EFCAB8: variants seen among roughly 807,000 people sequenced by gnomAD.
The protein encoded by EFCAB8 is EF-hand calcium-binding domain-containing protein 8.
EFCAB8 carries 100 observed loss-of-function variants against 116.3 expected under a neutral mutation model. That is an observed-to-expected ratio of 0.86 (90% CI 0.73 to 1.02). EFCAB8 has a LOEUF of 1.02. EFCAB8 is among the 50% of genes least tolerant of loss of function. EFCAB8 has a pLI of 0.00. For synonymous variants in EFCAB8, 558 were observed against 567.9 expected, an observed-to-expected ratio of 0.98 and a Z score of 0.25; for missense variants, 1,320 against 1,416.9, an observed-to-expected ratio of 0.93 and a Z score of 1.10.
intron 22 of EFCAB8, among the ~76,000 whole-genome samples, chr20:32,933,354 A>C (rs1386844220): frequency 6.6e-6 from 1 of 152,240 alleles, no homozygotes; most frequent in African/African-American, 2.4e-5. Context: ...AAATAGATAA[A>C]TCATAATTGT....
At chr20:32,920,781 T>G (rs907616881) in intron 20 of EFCAB8, among the ~76,000 whole-genome samples, 2 of 151,724 alleles carry the variant, frequency 1.3e-5, no homozygotes, top group African/African-American at 4.8e-5. Flanking sequence ...GGAGGTGGAG[T>G]TGGGGTGCCT....
At chr20:32,862,998 CT>C (rs1568893908) in intron 1 of EFCAB8, among the ~76,000 whole-genome samples, 1 of 132,266 alleles carries the variant, frequency 7.6e-6, no homozygotes, top group Non-Finnish European at 1.6e-5. Flanking sequence ...CAAGATTCTA[CT>C]TTTTGCTGCC....
intron 17 of EFCAB8, among the ~76,000 whole-genome samples, chr20:32,914,586 C>A (rs1322470886): frequency 3.3e-5 from 5 of 152,184 alleles, no homozygotes; most frequent in Non-Finnish European, 7.3e-5. Context: ...AGGAAACTTA[C>A]AATCATAGTT....
chr20:32,924,819 CTG>C (rs146773130), intron 20 of EFCAB8, among the ~76,000 whole-genome samples: 30 of 150,290 alleles, frequency 2.0e-4, no homozygotes, highest in Non-Finnish European at 2.2e-4. Context: ...GCTGGCAGGG[CTG>C]TGTGTGTGTG....
At chr20:32,875,140 C>T (rs145316370) in intron 3 of EFCAB8, among the ~76,000 whole-genome samples, 9 of 152,294 alleles carry the variant, frequency 5.9e-5, no homozygotes, top group Non-Finnish European at 1.2e-4. Context: ...TTTAGTGCCT[C>T]CCCTCCCCAC....
At chr20:32,874,131 G>A (rs1568900729) in intron 3 of EFCAB8, among the ~76,000 whole-genome samples, 3 of 151,010 alleles carry the variant, frequency 2.0e-5, no homozygotes, top group Non-Finnish European at 4.4e-5. Flanking sequence ...ATGTTGCCCA[G>A]CCTGGTCTCA....
At chr20:32,910,141 C>T (rs145848845) in intron 15 of EFCAB8, among the ~76,000 whole-genome samples, 14 of 152,310 alleles carry the variant, frequency 9.2e-5, no homozygotes, top group African/African-American at 3.1e-4. Flanking sequence ...GAGCTCCATC[C>T]GTTAGCCATG....
chr20:32,961,679 C>A lies in EFCAB8; in HGVS notation c.*70C>A. 1 of 967,848 alleles carries A rather than the reference C, an allele frequency of 1.0e-6. No homozygotes were observed. The highest frequency in any genetic ancestry group is 1.4e-6 in the Non-Finnish European group (1 of 734,516). 60.0% of individuals were successfully genotyped at this position (967,848 alleles called of 1,614,324 possible). A position where few individuals can be genotyped will look rare whatever the true frequency, so the allele number is the denominator to read the frequency against. On this transcript the variant is annotated 3_prime_UTR_variant, in exon 27 of 27. Transcript: ENST00000400522. ...CCATGGCGGTCCTGCATGTTCTCGG[C>A]TTATTCCCTACCAGACCCAGAGGAT...
At chr20:32,865,286 T>C (rs560153572) in intron 2 of EFCAB8, among the ~76,000 whole-genome samples, 9 of 147,170 alleles carry the variant, frequency 6.1e-5, no homozygotes, top group African/African-American at 2.3e-4. Flanking sequence ...GGTTCACCTC[T>C]AGGGGAGATG....
chr20:32,882,927 C>G (rs1367632347), intron 5 of EFCAB8, among the ~76,000 whole-genome samples: 1 of 151,846 alleles, frequency 6.6e-6, no homozygotes, highest in Non-Finnish European at 1.5e-5. Context: ...AATCTCCTGA[C>G]CTCATGATCT....
At chr20:32,944,519 C>T (rs1407181646) in intron 23 of EFCAB8, among the ~76,000 whole-genome samples, 1 of 152,078 alleles carries the variant, frequency 6.6e-6, no homozygotes, top group Non-Finnish European at 1.5e-5. Context: ...TACAGTATTA[C>T]AGCATTCTGT....
intron 22 of EFCAB8, among the ~76,000 whole-genome samples, chr20:32,939,657 T>A (rs1332867397): frequency 6.9e-6 from 1 of 143,938 alleles, no homozygotes; most frequent in African/African-American, 2.6e-5. Context: ...TCTGTCTCTC[T>A]TTTTCTTTTT....
intron 23 of EFCAB8, among the ~76,000 whole-genome samples, chr20:32,948,764 ATG>A (rs1988703660): frequency 6.6e-6 from 1 of 152,312 alleles, no homozygotes; most frequent in South Asian, 2.1e-4. Flanking sequence ...GTGAAAAACT[ATG>A]TGATTATCTT....
chr20:32,961,494 C>T lies in EFCAB8; in HGVS notation c.3752C>T (p.Thr1251Ile). Residue 1251 changes from threonine (T) to isoleucine (I), a missense_variant, in exon 27 of 27, where the codon ACC becomes ATC. Coordinates refer to ENST00000400522, the MANE Select transcript of EFCAB8 (RefSeq NM_001143967.2). ...GTCCCATCCCCGGTGTCCAAGTCCACCCTGCAGGGGTCAGTGACCCCCAAG... is the reference window on the plus strand; with the variant it reads ...GTCCCATCCCCGGTGTCCAAGTCCATCCTGCAGGGGTCAGTGACCCCCAAG... ...PSVPSPVSKSTLQGSVTPKHI... is the reference protein window; with the variant it reads ...PSVPSPVSKSILQGSVTPKHI... 1 of 1,448,200 alleles carries T rather than the reference C, an allele frequency of 6.9e-7. No homozygotes were observed. The highest frequency in any genetic ancestry group is 9.1e-7 in the Non-Finnish European group (1 of 1,097,138). The allele number at this position is 1,448,200 out of a possible 1,614,324, so 89.7% of individuals were successfully genotyped here. A position where few individuals can be genotyped will look rare whatever the true frequency, so the allele number is the denominator to read the frequency against.
intron 23 of EFCAB8, among the ~76,000 whole-genome samples, chr20:32,954,174 T>C (rs1280419334): frequency 6.6e-6 from 1 of 152,232 alleles, no homozygotes; most frequent in Non-Finnish European, 1.5e-5. Context: ...TGCCTGTTTT[T>C]TTAGTGTCAT....
intron 22 of EFCAB8, among the ~76,000 whole-genome samples, chr20:32,937,257 A>C (rs182390664): frequency 9.1e-4 from 139 of 152,188 alleles, no homozygotes; most frequent in African/African-American, 3.1e-3. Flanking sequence ...TGGTATTAGA[A>C]GCATGAGCCA....
chr20:32,874,048 G>A (rs570913811), intron 3 of EFCAB8, among the ~76,000 whole-genome samples: 18 of 151,866 alleles, frequency 1.2e-4, no homozygotes, highest in South Asian at 8.3e-4. Context: ...AACCTCCCCA[G>A]TAGTTGGGAC....
chr20:32,899,793 C>T (rs530944119), intron 11 of EFCAB8, among the ~76,000 whole-genome samples: 2 of 152,104 alleles, frequency 1.3e-5, no homozygotes, highest in African/African-American at 2.4e-5. Context: ...AGGCTGGTCT[C>T]GAACTCCTGA....
At chr20:32,880,410 G>A (rs1240178530) in intron 5 of EFCAB8, among the ~76,000 whole-genome samples, 2 of 151,896 alleles carry the variant, frequency 1.3e-5, no homozygotes, top group Admixed American at 6.6e-5. Context: ...CTGGGATTAC[G>A]AACGCCTGCC....
Sources: allele counts gnomAD v4.1 joint callset (sites outside exome capture counted in the v4.1 genomes callset), GRCh38; gene constraint gnomAD v4.1.1; transcripts MANE v1.5; gene names NCBI Gene and HGNC (gene_info 2026-07-23, HGNC 2026-07-21).